The following NDUFAF7 variants were observed in gnomAD, a reference collection of about 807,000 sequenced individuals.
NDUFAF7 encodes the protein protein arginine methyltransferase NDUFAF7, mitochondrial.
A neutral mutation model predicts 47.2 loss-of-function variants in NDUFAF7; 48 were observed. That is an observed-to-expected ratio of 1.02 (90% CI 0.81 to 1.29). The LOEUF is 1.29. Ranked by LOEUF, NDUFAF7 falls within the 50% of genes most tolerant of loss-of-function variation. NDUFAF7 has a pLI of 0.00. For synonymous variants in NDUFAF7, 217 were observed against 190.0 expected, an observed-to-expected ratio of 1.14 and a Z score of -1.17; for missense variants, 635 against 537.6, an observed-to-expected ratio of 1.18 and a Z score of -1.79.
the NDUFAF7 span, among the ~76,000 whole-genome samples, chr2:37,264,748 A>G: frequency 4.7e-5 from 7 of 150,044 alleles, no homozygotes; most frequent in Middle Eastern, 0.014. Context: ...TTGGGGGGGA[A>G]AAAAAAAGAC....
the NDUFAF7 span, among the ~76,000 whole-genome samples, chr2:37,260,846 C>G: frequency 0.14 from 21,565 of 152,092 alleles, 1,878 homozygotes; most frequent in East Asian, 0.35. Flanking sequence ...ATATTATAAT[C>G]ATTAATTCCC....
chr2:37,269,801 T>C, the NDUFAF7 span: 1 of 746,930 alleles, frequency 1.3e-6, no homozygotes, highest in Admixed American at 2.8e-5. Context: ...AGCAGCTAAT[T>C]TCCATAAAGT....
the NDUFAF7 span, among the ~76,000 whole-genome samples, chr2:37,261,236 C>G: frequency 3.9e-5 from 6 of 152,288 alleles, no homozygotes; most frequent in African/African-American, 1.4e-4. Context: ...CCTGTAATCC[C>G]AGCACTTTGG....
At chr2:37,267,716 C>T in the NDUFAF7 span, 1 of 541,790 alleles carries the variant, frequency 1.8e-6, no homozygotes, top group East Asian at 3.2e-5. Flanking sequence ...CCCCTCCATA[C>T]ATAATATTTG....
intron 5 of NDUFAF7, chr2:37,242,017 C>T: frequency 1.7e-6 from 1 of 576,522 alleles, no homozygotes; most frequent in Non-Finnish European, 3.1e-6. Context: ...AAATCCCAAA[C>T]AAAATGTAAA....
chr2:37,236,172 G>A lies in NDUFAF7; in HGVS notation c.293G>A (p.Gly98Glu), dbSNP rs768673608. Residue 98 changes from glycine to glutamate, a missense_variant, in exon 3 of 10, where the codon GGG (glycine) becomes GAG (glutamate). Transcript: ENST00000002125. ...TCACCTGAAATAAGTCAAATCTTTG[G>A]GGAGGTAATATACTATGTAAAGTAT... ...ITSPEISQIF[G>E]ELLGIWFISE... 6.2e-7 allele frequency: 1 copy of A among 1,604,458 alleles called. No individual in the cohort carries two copies. The highest frequency in any genetic ancestry group is 1.1e-5 in the South Asian group (1 of 90,866).
the NDUFAF7 span, among the ~76,000 whole-genome samples, chr2:37,269,916 ATGCTT>A: frequency 6.6e-6 from 1 of 152,226 alleles, no homozygotes; most frequent in African/African-American, 2.4e-5. Flanking sequence ...CAGGAAAAAA[ATGCTT>A]TGCATTTTAA....
intron 6 of NDUFAF7, among the ~76,000 whole-genome samples, chr2:37,243,129 C>A (rs577128930): frequency 1.3e-5 from 2 of 152,156 alleles, no homozygotes; most frequent in East Asian, 3.9e-4. Flanking sequence ...ACCCAGCCAA[C>A]CTTAGCACAT....
At chr2:37,252,863 A>G (rs1450609378), downstream of NDUFAF7, 1 of 149,308 alleles carries the variant, frequency 6.7e-6, no homozygotes, top group Non-Finnish European at 1.5e-5. Flanking sequence ...ATATATATAT[A>G]AAGAGAAATG....
downstream of NDUFAF7, chr2:37,251,481 CAT>C (rs1316495752): frequency 1.3e-5 from 2 of 152,538 alleles, no homozygotes; most frequent in African/African-American, 4.8e-5. Flanking sequence ...TAAACTAAAA[CAT>C]AAAAGAACTT....
chr2:37,265,763 T>A, the NDUFAF7 span, among the ~76,000 whole-genome samples: 1 of 152,212 alleles, frequency 6.6e-6, no homozygotes, highest in South Asian at 2.1e-4. Flanking sequence ...AGAGACATCC[T>A]ACAATCTATT....
downstream of NDUFAF7, among the ~76,000 whole-genome samples, chr2:37,254,808 A>G (rs1667804216): frequency 6.6e-6 from 1 of 152,186 alleles, no homozygotes; most frequent in Non-Finnish European, 1.5e-5. Context: ...GCCTCTATAT[A>G]TGGTCACATT....
In NDUFAF7 at chr2:37,248,313, C is replaced by A. The variant is rs1440268543; in HGVS notation, c.1289C>A (p.Ser430Tyr). The part of the protein sequence containing the change: ...RNARQSKPFA[S>Y]VVAGFSELAW... ...GCACGTCAGTCAAAACCCTTTGCATCCGTTGTAGCTGGGTTTAGTGAACTT... is the reference window on the plus strand; with the variant it reads ...GCACGTCAGTCAAAACCCTTTGCATACGTTGTAGCTGGGTTTAGTGAACTT... Residue 430 changes from serine to tyrosine, a missense_variant, in exon 10 of 10, where the codon TCC becomes TAC. Coordinates refer to ENST00000002125, the MANE Select transcript of NDUFAF7 (RefSeq NM_144736.5). 1 of 1,613,990 alleles carries A rather than the reference C, an allele frequency of 6.2e-7. No individual in the cohort carries two copies. The highest frequency in any genetic ancestry group is 1.7e-5 in the Admixed American group (1 of 59,994).
chr2:37,236,412 A>G (rs181207610), intron 3 of NDUFAF7, among the ~76,000 whole-genome samples: 1 of 152,248 alleles, frequency 6.6e-6, no homozygotes, highest in African/African-American at 2.4e-5. Flanking sequence ...GATAAGAGGG[A>G]CAAAGAGAAA....
chr2:37,237,706 TTTTATAC>T (rs1665938825), intron 3 of NDUFAF7, 44 bp from the exon 4 acceptor site: 1 of 1,364,134 alleles, frequency 7.3e-7, no homozygotes, highest in East Asian at 2.4e-5. Context: ...TGTGGTATAC[TTTTATAC>T]TTTATAATAC....
chr2:37,258,907 G>A, the NDUFAF7 span, among the ~76,000 whole-genome samples: 2 of 152,084 alleles, frequency 1.3e-5, no homozygotes, highest in Non-Finnish European at 2.9e-5. Flanking sequence ...TGAGCTGATC[G>A]GAGGAATCAT....
chr2:37,260,322 A>G, the NDUFAF7 span: 22 of 1,609,734 alleles, frequency 1.4e-5, no homozygotes, highest in Admixed American at 1.3e-4. Flanking sequence ...CCATTACTAC[A>G]AAGACTCGTT....
chr2:37,235,913 C>T (rs1468417655), intron 2 of NDUFAF7, among the ~76,000 whole-genome samples, 183 bp from the exon 3 acceptor site: 3 of 152,172 alleles, frequency 2.0e-5, no homozygotes, highest in African/African-American at 7.2e-5. Flanking sequence ...CCGTCTCGGC[C>T]TCCCAAAGTG....
chr2:37,250,289 C>T (rs543799682), downstream of NDUFAF7, among the ~76,000 whole-genome samples: 8 of 152,120 alleles, frequency 5.3e-5, no homozygotes, highest in East Asian at 1.5e-3. Flanking sequence ...ATGAGTTAAA[C>T]GTCCATAGTT....
Sources: gnomAD v4.1 joint callset for allele counts (sites outside exome capture counted in the v4.1 genomes callset) on GRCh38, gnomAD v4.1.1 for gene constraint, MANE v1.5 for transcripts, NCBI Gene and HGNC (gene_info 2026-07-23, HGNC 2026-07-21) for gene names.